UMAD1: variants seen among roughly 807,000 people sequenced by gnomAD.
The protein encoded by UMAD1 is UBAP1-MVB12-associated (UMA)-domain containing protein 1.
UMAD1 carries 8 observed loss-of-function variants against 6.1 expected under a neutral mutation model. That is an observed-to-expected ratio of 1.30 (90% CI 0.76 to 2.35). UMAD1 has a LOEUF of 2.35. Among genes scored for constraint, UMAD1 ranks in the 30% most tolerant of loss-of-function variants. The pLI is 0.00. For synonymous variants in UMAD1, 56 were observed against 31.4 expected (o/e 1.78, Z -2.61); for missense variants, 130 against 78.4 (o/e 1.66, Z -2.49).
At chr7:7,804,835 G>T (rs1269610888) in intron 3 of UMAD1, among the ~76,000 whole-genome samples, 1 of 151,956 alleles carries the variant, frequency 6.6e-6, no homozygotes, top group South Asian at 2.1e-4. Context: ...CAAAAAATTA[G>T]CTGGGCACGG....
intron 3 of UMAD1, among the ~76,000 whole-genome samples, chr7:7,840,231 G>T (rs1028288611): frequency 2.0e-5 from 3 of 152,246 alleles, no homozygotes; most frequent in African/African-American, 7.2e-5. Flanking sequence ...ATGATCATGG[G>T]AATACCCAGC....
At chr7:7,659,840 A>C (rs552306733) in intron 1 of UMAD1, among the ~76,000 whole-genome samples, 1 of 152,284 alleles carries the variant, frequency 6.6e-6, no homozygotes, top group South Asian at 2.1e-4. Flanking sequence ...AGCCAAGTTC[A>C]AGTCCTGAAT....
chr7:7,676,317 T>C (rs1273692642), intron 2 of UMAD1: 1 of 393,936 alleles, frequency 2.5e-6, no homozygotes, highest in Non-Finnish European at 4.5e-6. Flanking sequence ...GTGTGTAAAA[T>C]GTTTAGAAAA....
In UMAD1 at chr7:7,683,589, A is replaced by G. The variant is rs560719320; in HGVS notation, c.82+10136A>G. ...AAATAGAAAAAGAGCAGAAAGCTTC[A>G]TACATGATCCTATGAAATGAAATTT... On this transcript the variant is annotated intron_variant, in intron 2 of 3. Transcript: ENST00000682710. Among the ~76,000 whole-genome samples, 16 of 152,274 alleles carry G rather than the reference A, an allele frequency of 1.1e-4. No individual in the cohort carries two copies. In the South Asian group the frequency reaches 1.9e-3, roughly 18 times the overall value.
intron 3 of UMAD1, among the ~76,000 whole-genome samples, chr7:7,814,577 G>A (rs1041544002): frequency 6.6e-6 from 1 of 151,850 alleles, no homozygotes; most frequent in African/African-American, 2.4e-5. Flanking sequence ...TAGAGGAAAG[G>A]GTTAAAATAT....
chr7:7,849,805 G>GT (rs386409470), intron 3 of UMAD1, among the ~76,000 whole-genome samples: 2 of 151,886 alleles, frequency 1.3e-5, no homozygotes, highest in African/African-American at 4.8e-5. Flanking sequence ...AGAGAATGGG[G>GT]TGAATGGGGT....
intron 1 of UMAD1, among the ~76,000 whole-genome samples, chr7:7,662,844 G>T (rs1378182442): frequency 6.6e-6 from 1 of 152,074 alleles, no homozygotes; most frequent in East Asian, 1.9e-4. Flanking sequence ...AGATTTTGTT[G>T]AATAAATTTA....
intron 3 of UMAD1, among the ~76,000 whole-genome samples, chr7:7,829,636 A>G (rs1233015219): frequency 2.6e-5 from 4 of 152,336 alleles, no homozygotes; most frequent in South Asian, 4.1e-4. Flanking sequence ...TTAAAGAAAC[A>G]TACGTTTCAT....
intron 2 of UMAD1, among the ~76,000 whole-genome samples, chr7:7,774,629 T>C (rs1351096886): frequency 6.6e-6 from 1 of 152,224 alleles, no homozygotes; most frequent in African/African-American, 2.4e-5. Context: ...ACAAGAAATA[T>C]TAAATTTTAC....
At chr7:7,793,427 C>T (rs1156647752) in intron 2 of UMAD1, among the ~76,000 whole-genome samples, 2 of 152,140 alleles carry the variant, frequency 1.3e-5, no homozygotes, top group Non-Finnish European at 1.5e-5. Context: ...CACTACTTCA[C>T]TTGGTGAATG....
chr7:7,669,589 AG>A, intron 1 of UMAD1, among the ~76,000 whole-genome samples: 1 of 152,322 alleles, frequency 6.6e-6, no homozygotes, highest in South Asian at 2.1e-4. Context: ...TTAGGTACCT[AG>A]TGGCATGAGT....
chr7:7,842,140 T>C (rs1177212444), intron 3 of UMAD1, among the ~76,000 whole-genome samples: 1 of 152,222 alleles, frequency 6.6e-6, no homozygotes, highest in Non-Finnish European at 1.5e-5. Flanking sequence ...AACATCTTTG[T>C]CCTCATTTCA....
chr7:7,663,766 G>A (rs1785535169), intron 1 of UMAD1, among the ~76,000 whole-genome samples: 1 of 152,094 alleles, frequency 6.6e-6, no homozygotes. Flanking sequence ...GTATCCCCGG[G>A]GCAATAACGA....
chr7:7,791,283 C>T (rs1366025213), intron 2 of UMAD1, among the ~76,000 whole-genome samples: 1 of 152,184 alleles, frequency 6.6e-6, no homozygotes, highest in African/African-American at 2.4e-5. Context: ...TCAGCAGAGC[C>T]TGTAGAGCCT....
At chr7:7,658,706 A>C (rs1292440835) in intron 1 of UMAD1, among the ~76,000 whole-genome samples, 1 of 152,178 alleles carries the variant, frequency 6.6e-6, no homozygotes, top group African/African-American at 2.4e-5. Context: ...TGTTGGATTC[A>C]GTTTGCCAGT....
chr7:7,844,971 G>A (rs973410382), intron 3 of UMAD1, among the ~76,000 whole-genome samples: 2 of 151,934 alleles, frequency 1.3e-5, no homozygotes, highest in African/African-American at 4.8e-5. Flanking sequence ...CCCCACCCAA[G>A]GTAAATCTTT....
intron 3 of UMAD1, among the ~76,000 whole-genome samples, chr7:7,824,743 A>G (rs1783308180): frequency 1.3e-5 from 2 of 152,146 alleles, no homozygotes; most frequent in African/African-American, 4.8e-5. Context: ...AGCACTTGAG[A>G]AATGTTTGAG....
intron 2 of UMAD1, chr7:7,718,600 A>C (rs1358705282): frequency 6.6e-6 from 1 of 152,180 alleles, no homozygotes; most frequent in Non-Finnish European, 1.5e-5. Context: ...CTCTTATCTG[A>C]GTAGCTTCTG....
At chr7:7,703,626 G>T (rs1389990691) in intron 2 of UMAD1, among the ~76,000 whole-genome samples, 1 of 152,114 alleles carries the variant, frequency 6.6e-6, no homozygotes, top group Non-Finnish European at 1.5e-5. Context: ...TCAGTTCAGG[G>T]CCAAAGTTCA....
Sources: allele counts gnomAD v4.1 joint callset (sites outside exome capture counted in the v4.1 genomes callset), GRCh38; gene constraint gnomAD v4.1.1; transcripts MANE v1.5; gene names NCBI Gene and HGNC (gene_info 2026-07-23, HGNC 2026-07-21).